Variants in MAP3K5 observed in about 807,000 individuals in gnomAD.
MAP3K5 encodes the protein ASK-1.
A neutral mutation model predicts 158.7 loss-of-function variants in MAP3K5; 56 were observed. The ratio of observed to expected loss-of-function variants is 0.35; its 90% CI spans 0.28 to 0.44. MAP3K5 has a LOEUF of 0.44. Among genes scored for constraint, MAP3K5 ranks in the 20% least tolerant of loss-of-function variants. MAP3K5 has a pLI of 1.00. For missense variants in MAP3K5, 1,294 were observed against 1,674.8 expected, an observed-to-expected ratio of 0.77 and a Z score of 3.97; for synonymous variants, 579 against 601.7, an observed-to-expected ratio of 0.96 and a Z score of 0.55.
In MAP3K5 at chr6:136,705,107, C is replaced by A; in HGVS notation, c.612+3G>T. 8.3e-7 allele frequency: 1 copy of A among 1,201,976 alleles called. No individual in the cohort carries two copies. The highest frequency in any genetic ancestry group is 1.2e-6 in the Non-Finnish European group (1 of 854,528). The allele number at this position is 1,201,976 out of a possible 1,614,324, so 74.5% of individuals were successfully genotyped here. ...ACTCTGGAAGGTTAAATAAAGTACT[C>A]ACAGTATTCTTCTGGCAAATTATTT... On this transcript the variant is annotated splice_donor_region_variant and intron_variant, in intron 3 of 29. Transcript: ENST00000359015.
chr6:136,645,603 T>C (rs2237270), intron 11 of MAP3K5, among the ~76,000 whole-genome samples: 34,341 of 152,194 alleles, frequency 0.23, 4,338 homozygotes, highest in East Asian at 0.39. Flanking sequence ...ATTGTACACA[T>C]GCAGACTTTC....
rs371684320 is a variant in MAP3K5, at chr6:136,722,999, T to C, written c.449-2410A>G. Among the ~76,000 whole-genome samples, 9 of 152,208 alleles carry C rather than the reference T, an allele frequency of 5.9e-5. No individual in the cohort carries two copies. The East Asian group carries it at 1.7e-3, about 29-fold the overall frequency. On this transcript the variant is annotated intron_variant, in intron 1 of 29. Coordinates refer to ENST00000359015, the MANE Select transcript of MAP3K5 (RefSeq NM_005923.4). The stretch of plus-strand genomic sequence containing the variant: ...CACCACACCCCAGCCAAGTGTAAAC[T>C]TTCTAGAAGGCTTAAATCCTAAAAA...
intron 1 of MAP3K5, among the ~76,000 whole-genome samples, chr6:136,779,507 T>C (rs996158056): frequency 8.6e-5 from 13 of 150,550 alleles, no homozygotes; most frequent in Admixed American, 3.3e-4. Context: ...GATTAGCACA[T>C]ACACCTAGTA....
At chr6:136,742,804 A>C (rs1054650553) in intron 1 of MAP3K5, among the ~76,000 whole-genome samples, 2 of 152,262 alleles carry the variant, frequency 1.3e-5, no homozygotes, top group Non-Finnish European at 2.9e-5. Flanking sequence ...AAACTAAAAA[A>C]TAAGAAAACA....
chr6:136,574,273 A>T (rs761555275), intron 25 of MAP3K5, among the ~76,000 whole-genome samples: 5 of 152,180 alleles, frequency 3.3e-5, no homozygotes, highest in Non-Finnish European at 7.4e-5. Context: ...AATGCTTAGT[A>T]AGATCATAAT....
At chr6:136,686,905 C>T (rs1430589127) in intron 7 of MAP3K5, among the ~76,000 whole-genome samples, 3 of 152,118 alleles carry the variant, frequency 2.0e-5, no homozygotes, top group Admixed American at 6.5e-5. Flanking sequence ...ACATTCTTCA[C>T]AGAATTAGAA....
chr6:136,705,200 G>A, intron 2 of MAP3K5, 67 bp from the exon 3 acceptor site: 2 of 732,564 alleles, frequency 2.7e-6, no homozygotes, highest in Non-Finnish European at 4.4e-6. Flanking sequence ...AACATTTATT[G>A]AACTATGTGG....
intron 7 of MAP3K5, among the ~76,000 whole-genome samples, chr6:136,692,955 CA>C (rs796525571): frequency 1.0e-4 from 15 of 144,666 alleles, no homozygotes; most frequent in South Asian, 4.4e-4. Flanking sequence ...GACCTTGTCT[CA>C]AAAAAAAAAG....
chr6:136,697,916 T>C (rs909755093), intron 4 of MAP3K5, among the ~76,000 whole-genome samples: 4 of 152,154 alleles, frequency 2.6e-5, no homozygotes, highest in African/African-American at 9.7e-5. Context: ...GGCTAATTTT[T>C]GTATTTTTGG....
At chr6:136,720,936 C>G (rs9389428) in intron 1 of MAP3K5, among the ~76,000 whole-genome samples, 1 of 152,084 alleles carries the variant, frequency 6.6e-6, no homozygotes, top group African/African-American at 2.4e-5. Context: ...TGTGGCATCA[C>G]GCCCAGCTAA....
At chr6:136,602,606 C>T (rs547628140) in intron 19 of MAP3K5, among the ~76,000 whole-genome samples, 12 of 152,256 alleles carry the variant, frequency 7.9e-5, no homozygotes, top group Admixed American at 7.2e-4. Flanking sequence ...GCTCAGCCAC[C>T]GAGCTGAGAC....
At chr6:136,744,340 T>C (rs992691760) in intron 1 of MAP3K5, among the ~76,000 whole-genome samples, 4 of 151,814 alleles carry the variant, frequency 2.6e-5, no homozygotes, top group African/African-American at 9.7e-5. Context: ...GAAATACACA[T>C]ATATATGTAT....
chr6:136,786,187 C>T (rs1196797108), intron 1 of MAP3K5, among the ~76,000 whole-genome samples: 1 of 151,900 alleles, frequency 6.6e-6, no homozygotes, highest in African/African-American at 2.4e-5. Context: ...ACCAGTCTGG[C>T]CAACAAGATG....
chr6:136,570,455 C>T (rs1774310934), intron 25 of MAP3K5, among the ~76,000 whole-genome samples: 1 of 152,158 alleles, frequency 6.6e-6, no homozygotes, highest in Non-Finnish European at 1.5e-5. Context: ...GGATGACAAA[C>T]TCTACACCTC....
rs747901209 is a variant in MAP3K5 at position 136,694,194 on chromosome 6, A to G, written c.1199T>C (p.Met400Thr). ...YCLVGRIYKDMFLDSNFTDTE... is the reference protein window; with the variant it reads ...YCLVGRIYKDTFLDSNFTDTE... ...GTCCGTGAAATTAGAGTCCAAAAAC[A>G]TATCTTTGTAGATTCGACCAACTAG... Residue 400 changes from methionine (M) to threonine (T), a missense_variant, in exon 7 of 30, where the codon ATG becomes ACG. Met to Thr is a moderately conservative substitution (Grantham distance 81). Around this residue, in one of 5 missense-constraint regions of MAP3K5, gnomAD observed 690 missense variants for 870.5 expected, o/e 0.79. Coordinates refer to ENST00000359015, the MANE Select transcript of MAP3K5 (RefSeq NM_005923.4). The G allele has an allele frequency of 2.5e-6, 4 of 1,613,896 alleles. No homozygotes were observed. The highest frequency in any genetic ancestry group is 3.4e-6 in the Non-Finnish European group (4 of 1,179,926).
Position 136,705,131 on chromosome 6 carries a change from T to A in MAP3K5, c.591A>T (p.Glu197Asp). ...TCACAGTATTCTTCTGGCAAATTAT[T>A]TCCTGAAAAACAAGAAAAAAAATAT... ...TNSDSLQSLKEIICQKNTMCT... is the reference protein window; with the variant it reads ...TNSDSLQSLKDIICQKNTMCT... The change falls in exon 3 of 30, where the codon GAA becomes GAT. Residue 197 changes from glutamate (E) to aspartate (D), a missense_variant and splice_region_variant. Coordinates refer to ENST00000359015, the MANE Select transcript of MAP3K5 (RefSeq NM_005923.4). 1 of 1,197,608 alleles carries A rather than the reference T, an allele frequency of 8.3e-7. No individual in the cohort carries two copies. Among genetic ancestry groups the A allele is most frequent in the Non-Finnish European group, 1.2e-6 (1 of 850,990 alleles). 74.2% of individuals were successfully genotyped at this position (1,197,608 alleles called of 1,614,324 possible).
intron 29 of MAP3K5, 52 bp downstream of exon 29, chr6:136,558,748 T>G: frequency 2.5e-6 from 3 of 1,179,270 alleles, no homozygotes; most frequent in Non-Finnish European, 3.8e-6. Flanking sequence ...TCAGACTTTT[T>G]GATATTTGCC....
At chr6:136,728,862 G>T (rs1368716886) in intron 1 of MAP3K5, among the ~76,000 whole-genome samples, 1 of 152,122 alleles carries the variant, frequency 6.6e-6, no homozygotes, top group Non-Finnish European at 1.5e-5. Flanking sequence ...GGGATATTTT[G>T]CACTTCCAGA....
chr6:136,754,885 G>A (rs1384684848), intron 1 of MAP3K5, among the ~76,000 whole-genome samples: 1 of 152,100 alleles, frequency 6.6e-6, no homozygotes, highest in African/African-American at 2.4e-5. Context: ...ACAAGATCTC[G>A]ATGCTTCAGA....
Sources: allele counts gnomAD v4.1 joint callset (sites outside exome capture counted in the v4.1 genomes callset), GRCh38; gene constraint gnomAD v4.1.1; regional missense constraint gnomAD v4.1.1; transcripts MANE v1.5; gene names NCBI Gene and HGNC (gene_info 2026-07-23, HGNC 2026-07-21).